The following CHCHD6 variants were observed in gnomAD, a reference collection of about 807,000 sequenced individuals.
The protein encoded by CHCHD6 is MICOS complex subunit MIC25.
Under a neutral mutation model 32.3 loss-of-function variants are expected in CHCHD6, and 28 were observed. That is an observed-to-expected ratio of 0.87 (90% CI 0.64 to 1.19). The LOEUF is 1.19. Among genes scored for constraint, CHCHD6 ranks in the 50% most tolerant of loss-of-function variants. CHCHD6 has a pLI of 0.00. For missense variants in CHCHD6, 333 were observed against 307.0 expected (o/e 1.08, Z -0.63); for synonymous variants, 122 against 117.5 (o/e 1.04, Z -0.25).
At chr3:126,742,871 G>A (rs1199157545) in intron 4 of CHCHD6, among the ~76,000 whole-genome samples, 2 of 152,152 alleles carry the variant, frequency 1.3e-5, no homozygotes, top group African/African-American at 4.8e-5. Context: ...AGAGAAAATG[G>A]ACTAAGATAT....
At chr3:126,845,547 C>T (rs1576486325) in intron 4 of CHCHD6, among the ~76,000 whole-genome samples, 1 of 151,998 alleles carries the variant, frequency 6.6e-6, no homozygotes, top group East Asian at 1.9e-4. Flanking sequence ...TTTCTTTTGC[C>T]CCACTTTTCT....
intron 4 of CHCHD6, among the ~76,000 whole-genome samples, chr3:126,761,326 G>T (rs1474861616): frequency 6.6e-6 from 1 of 152,046 alleles, no homozygotes; most frequent in Non-Finnish European, 1.5e-5. Flanking sequence ...TCTTCACATG[G>T]CATTCTTCCC....
chr3:126,784,929 G>T (rs1008992302), intron 4 of CHCHD6, among the ~76,000 whole-genome samples: 2 of 151,876 alleles, frequency 1.3e-5, no homozygotes, highest in African/African-American at 4.8e-5. Flanking sequence ...TATTTTCCCA[G>T]AATTTCCAAA....
rs1935563597 is a variant in CHCHD6 at position 126,727,022 on chromosome 3, C to A, written c.88-56C>A. On this transcript the variant is annotated intron_variant, in intron 1 of 7. Coordinates refer to ENST00000290913, the MANE Select transcript of CHCHD6 (RefSeq NM_032343.3). ...GGGCCTGAATAAAGAGGAGGCTTTGCTTCCAGGCACTTCTGTGACATAACT... is the reference window on the plus strand; with the variant it reads ...GGGCCTGAATAAAGAGGAGGCTTTGATTCCAGGCACTTCTGTGACATAACT... 12 of 1,260,926 alleles carry A rather than the reference C, an allele frequency of 9.5e-6. No individual in the cohort carries two copies. In the Admixed American group the frequency reaches 2.1e-4, roughly 22 times the overall value. 78.1% of individuals were successfully genotyped at this position (1,260,926 alleles called of 1,614,324 possible).
At chr3:126,888,979 G>A (rs1463456560) in intron 5 of CHCHD6, among the ~76,000 whole-genome samples, 1 of 152,198 alleles carries the variant, frequency 6.6e-6, no homozygotes, top group Non-Finnish European at 1.5e-5. Context: ...CTCTATATGG[G>A]TGTGGAGACA....
chr3:126,836,239 A>G (rs1033600349), intron 4 of CHCHD6, among the ~76,000 whole-genome samples: 3 of 152,040 alleles, frequency 2.0e-5, no homozygotes, highest in Non-Finnish European at 4.4e-5. Context: ...ATTCCCAGGT[A>G]TTTGTTATGG....
intron 4 of CHCHD6, among the ~76,000 whole-genome samples, chr3:126,806,017 G>A (rs2107693357): frequency 6.6e-6 from 1 of 152,254 alleles, no homozygotes; most frequent in Non-Finnish European, 1.5e-5. Context: ...GCTAAAACTG[G>A]ATCCCTTCCT....
At chr3:126,709,426 C>G (rs1934650264) in intron 1 of CHCHD6, among the ~76,000 whole-genome samples, 1 of 152,156 alleles carries the variant, frequency 6.6e-6, no homozygotes, top group African/African-American at 2.4e-5. Flanking sequence ...GTGAGTAACG[C>G]TGCTATGAAC....
At chr3:126,919,082 T>C (rs2078208081) in intron 6 of CHCHD6, among the ~76,000 whole-genome samples, 1 of 152,186 alleles carries the variant, frequency 6.6e-6, no homozygotes, top group Admixed American at 6.5e-5. Context: ...CTAAATTCTT[T>C]GAAAATTATT....
chr3:126,715,956 C>T (rs1418554649), intron 1 of CHCHD6, among the ~76,000 whole-genome samples: 1 of 152,216 alleles, frequency 6.6e-6, no homozygotes, highest in Non-Finnish European at 1.5e-5. Flanking sequence ...AGTTTCACTT[C>T]CTTGGCGTCT....
intron 4 of CHCHD6, among the ~76,000 whole-genome samples, chr3:126,754,545 A>G (rs1344794798): frequency 2.0e-5 from 3 of 152,208 alleles, no homozygotes; most frequent in African/African-American, 7.2e-5. Context: ...CAGAGGAGCA[A>G]GCTGGGGTAA....
intron 5 of CHCHD6, among the ~76,000 whole-genome samples, chr3:126,853,822 T>A (rs991774441): frequency 1.3e-5 from 2 of 152,202 alleles, no homozygotes; most frequent in African/African-American, 4.8e-5. Flanking sequence ...CAGGTTTGAC[T>A]GTAGCTTATA....
intron 4 of CHCHD6, among the ~76,000 whole-genome samples, chr3:126,743,927 C>T (rs947565017): frequency 1.3e-5 from 2 of 152,154 alleles, no homozygotes; most frequent in South Asian, 2.1e-4. Context: ...CCTCCTGGCT[C>T]GCATCAGATG....
At chr3:126,834,063 A>AAT (rs1940755181) in intron 4 of CHCHD6, among the ~76,000 whole-genome samples, 1 of 148,338 alleles carries the variant, frequency 6.7e-6, no homozygotes, top group East Asian at 2.0e-4. Context: ...CAAAAAAAAA[A>AAT]AAAAAAAAAA....
chr3:126,861,321 G>A lies in CHCHD6; in HGVS notation c.495+8591G>A, dbSNP rs116050778. ...TACTTTTAAGTCGTGGCTTCCCAAC[G>A]TGTGTACTAACCGTTATAACCTCAA... On this transcript the variant is annotated intron_variant, in intron 5 of 7. Transcript: ENST00000290913. Among the ~76,000 whole-genome samples, 621 of 152,032 alleles carry A rather than the reference G, an allele frequency of 4.1e-3. 4 individuals are homozygous for A. Among genetic ancestry groups the A allele is most frequent in the Middle Eastern group, 0.041 (12 of 294 alleles).
At chr3:126,842,664 A>C (rs1941140700) in intron 4 of CHCHD6, among the ~76,000 whole-genome samples, 1 of 152,220 alleles carries the variant, frequency 6.6e-6, no homozygotes, top group Admixed American at 6.5e-5. Context: ...ATACCACATC[A>C]GCTGTATCAC....
At chr3:126,930,107 C>T (rs1298624530) in intron 6 of CHCHD6, among the ~76,000 whole-genome samples, 1 of 152,122 alleles carries the variant, frequency 6.6e-6, no homozygotes, top group East Asian at 1.9e-4. Flanking sequence ...GCTGTCAGGC[C>T]GCTGCATGCC....
At chr3:126,776,844 T>G (rs1413326353) in intron 4 of CHCHD6, among the ~76,000 whole-genome samples, 1 of 152,176 alleles carries the variant, frequency 6.6e-6, no homozygotes, top group Non-Finnish European at 1.5e-5. Flanking sequence ...TGTCTTAGAT[T>G]CAATTACATA....
chr3:126,937,036 T>G (rs184285711), intron 6 of CHCHD6, among the ~76,000 whole-genome samples: 2 of 152,352 alleles, frequency 1.3e-5, no homozygotes, highest in East Asian at 3.9e-4. Context: ...CCCTGAGGAA[T>G]TTGCTCCAGG....
Sources: gnomAD v4.1 joint callset for allele counts (sites outside exome capture counted in the v4.1 genomes callset) on GRCh38, gnomAD v4.1.1 for gene constraint, MANE v1.5 for transcripts, NCBI Gene and HGNC (gene_info 2026-07-23, HGNC 2026-07-21) for gene names.